TNRC6B: variants seen among roughly 807,000 people sequenced by gnomAD.
The protein encoded by TNRC6B is trinucleotide repeat-containing gene 6B protein.
In TNRC6B, 52 loss-of-function variants were observed where a neutral mutation model predicts 203.6. The ratio of observed to expected loss-of-function variants is 0.26; its 90% CI spans 0.20 to 0.32. The LOEUF is 0.32. Ranked by LOEUF, TNRC6B falls within the 10% of genes least tolerant of loss-of-function variation. The probability of loss-of-function intolerance (pLI) is 1.00; values close to 1 mark genes in which losing one functional copy is unlikely to be tolerated. For missense variants in TNRC6B, 1,923 were observed against 2,286.2 expected, an observed-to-expected ratio of 0.84 and a Z score of 3.24; for synonymous variants, 838 against 845.7, an observed-to-expected ratio of 0.99 and a Z score of 0.16.
chr22:40,154,864 T>TATATAC (rs1488696665), intron 3 of TNRC6B, among the ~76,000 whole-genome samples: 1 of 29,188 alleles, frequency 3.4e-5, no homozygotes, highest in Non-Finnish European at 5.5e-5. Flanking sequence ...AAAAAAAATA[T>TATATAC]ATATATATAT....
chr22:40,099,545 C>T (rs868551608), intron 1 of TNRC6B, among the ~76,000 whole-genome samples: 6 of 152,090 alleles, frequency 3.9e-5, no homozygotes, highest in Admixed American at 2.0e-4. Context: ...AAAAAAATTG[C>T]GTCTCTGTTG....
chr22:40,121,533 C>A (rs1465926711), intron 2 of TNRC6B, among the ~76,000 whole-genome samples: 2 of 152,218 alleles, frequency 1.3e-5, no homozygotes, highest in African/African-American at 4.8e-5. Flanking sequence ...CAAGGTCAAG[C>A]AGCAGCCTTC....
chr22:40,070,120 T>A (rs2067934755), intron 1 of TNRC6B, among the ~76,000 whole-genome samples: 1 of 152,214 alleles, frequency 6.6e-6, no homozygotes, highest in African/African-American at 2.4e-5. Flanking sequence ...CTTGCTTTAA[T>A]CTGGCTTTAT....
intron 4 of TNRC6B, among the ~76,000 whole-genome samples, chr22:40,262,995 G>T (rs866909145): frequency 2.2e-4 from 33 of 150,702 alleles, no homozygotes; most frequent in South Asian, 8.4e-4. Flanking sequence ...AGCCGAGGTC[G>T]CGCCATTGCA....
chr22:40,156,023 C>T, intron 3 of TNRC6B: 2 of 1,151,434 alleles, frequency 1.7e-6, no homozygotes, highest in Non-Finnish European at 2.5e-6. Context: ...GTGAAACGGC[C>T]CTGTGGTTCT....
chr22:40,143,701 T>C (rs1032558814), intron 3 of TNRC6B, among the ~76,000 whole-genome samples: 1 of 152,174 alleles, frequency 6.6e-6, no homozygotes, highest in Non-Finnish European at 1.5e-5. Flanking sequence ...TTTCACCGTG[T>C]TAGCCAGGAT....
At chr22:40,175,439 A>G (rs377465105), upstream of TNRC6B, among the ~76,000 whole-genome samples, 5 of 152,206 alleles carry the variant, frequency 3.3e-5, no homozygotes, top group East Asian at 1.9e-4. Context: ...TCTGTTTCCA[A>G]ACTTTTCATG....
At chr22:40,162,517 G>A (rs2068879828) in intron 4 of TNRC6B, among the ~76,000 whole-genome samples, 1 of 152,114 alleles carries the variant, frequency 6.6e-6, no homozygotes, top group South Asian at 2.1e-4. Flanking sequence ...TAAACACAGG[G>A]CAAAGTAAAA....
chr22:40,249,966 G>A (rs762018052), intron 2 of TNRC6B, among the ~76,000 whole-genome samples: 1 of 152,222 alleles, frequency 6.6e-6, no homozygotes, highest in Non-Finnish European at 1.5e-5. Flanking sequence ...TTTAGAGTCT[G>A]ATGGTGTGCT....
intron 15 of TNRC6B, among the ~76,000 whole-genome samples, chr22:40,304,435 T>C (rs1266492103): frequency 6.6e-6 from 1 of 152,174 alleles, no homozygotes; most frequent in Non-Finnish European, 1.5e-5. Context: ...GAATACCTAA[T>C]TGAATTGTTA....
At chr22:40,259,719 G>A (rs1004922882) in intron 3 of TNRC6B, among the ~76,000 whole-genome samples, 20 of 152,180 alleles carry the variant, frequency 1.3e-4, no homozygotes, top group African/African-American at 4.1e-4. Flanking sequence ...ATGTCCAGTA[G>A]TGGCATAGAT....
chr22:40,119,467 C>T (rs2068423526), intron 2 of TNRC6B, among the ~76,000 whole-genome samples: 1 of 152,136 alleles, frequency 6.6e-6, no homozygotes, highest in African/African-American at 2.4e-5. Context: ...GCCTGTAGTC[C>T]CAGCTACTTG....
At position 40,075,147 on chromosome 22, in the gene TNRC6B, T is replaced by TAA. The variant is rs2067995866; in HGVS notation, c.-121+30150_-121+30151insAA. ...ATTGTTGGTTCTGTTCATATATATA[T>TAA]ATATATATATTTTTTTTTTTTTTTT... On this transcript the variant is annotated intron_variant, in intron 1 of 23. Transcript: ENST00000301923. 1.9e-4 allele frequency among the ~76,000 whole-genome samples: 16 copies of TAA among 82,984 alleles called. 1 individual carries two copies. Among genetic ancestry groups the TAA allele is most frequent in the Admixed American group, 1.5e-3 (12 of 8,258 alleles). 54.4% of individuals were successfully genotyped at this position (82,984 alleles called of 152,430 possible).
intron 12 of TNRC6B, among the ~76,000 whole-genome samples, chr22:40,287,371 C>T (rs2070801343): frequency 6.6e-6 from 1 of 152,160 alleles, no homozygotes; most frequent in African/African-American, 2.4e-5. Flanking sequence ...AAAAGATCAA[C>T]TATAGATTTC....
At chr22:40,317,312 G>A (rs1032903617) in intron 21 of TNRC6B, among the ~76,000 whole-genome samples, 1 of 152,192 alleles carries the variant, frequency 6.6e-6, no homozygotes, top group Non-Finnish European at 1.5e-5. Flanking sequence ...AGTCGCAGTG[G>A]CTCACGCCTG....
intron 22 of TNRC6B, among the ~76,000 whole-genome samples, chr22:40,322,633 A>G (rs1210436892): frequency 2.6e-5 from 4 of 152,166 alleles, no homozygotes; most frequent in African/African-American, 4.8e-5. Flanking sequence ...TTGTTGGTTT[A>G]CATCATTACT....
chr22:40,310,071 C>G lies in TNRC6B; in HGVS notation c.4259-746C>G, dbSNP rs146429354. ...ATTCAAAGTGCATGTTCTGTTAGTT[C>G]AAGGTAATTTTAAGCTTTTAATTAT... On this transcript the variant is annotated intron_variant, in intron 16 of 22. Transcript: ENST00000454349. Among the ~76,000 whole-genome samples, 272 of 152,282 alleles carry G rather than the reference C, an allele frequency of 1.8e-3. 1 individual carries two copies. The highest frequency in any genetic ancestry group is 6.0e-3 in the East Asian group (31 of 5,190).
Position 40,329,717 on chromosome 22 carries a change from C to T in TNRC6B, c.*6476C>T, listed in dbSNP as rs777005602. ...GCGTGTGGCCACCGGGACCAGATCC[C>T]GAGTGATTGTGGCATACCCCTAATA... On this transcript the variant is annotated 3_prime_UTR_variant, in exon 23 of 23. Transcript: ENST00000454349. 8 of 152,074 alleles carry T rather than the reference C, an allele frequency of 5.3e-5. No homozygotes were observed. The highest frequency in any genetic ancestry group is 1.0e-4 in the Non-Finnish European group (7 of 68,032). 9.4% of individuals were successfully genotyped at this position (152,074 alleles called of 1,614,324 possible). A position where few individuals can be genotyped will look rare whatever the true frequency, so the allele number is the denominator to read the frequency against.
At chr22:40,314,319 T>C (rs182132729) in intron 19 of TNRC6B, among the ~76,000 whole-genome samples, 113 of 152,352 alleles carry the variant, frequency 7.4e-4, no homozygotes, top group Non-Finnish European at 1.5e-3. Flanking sequence ...CAGGCAGTTA[T>C]GATTTCTCTT....
Sources: allele counts gnomAD v4.1 joint callset (sites outside exome capture counted in the v4.1 genomes callset), GRCh38; gene constraint gnomAD v4.1.1; transcripts MANE v1.5; gene names NCBI Gene and HGNC (gene_info 2026-07-23, HGNC 2026-07-21).